The following F8 variants were observed in gnomAD, a reference collection of about 807,000 sequenced individuals.
The protein encoded by F8 is antihemophilic factor.
F8 carries 12 observed loss-of-function variants against 140.6 expected under a neutral mutation model. The ratio of observed to expected loss-of-function variants is 0.09; its 90% CI spans 0.05 to 0.14. The LOEUF is 0.14. F8 is among the 10% of genes least tolerant of loss of function. The pLI, the probability that F8 is intolerant of heterozygous loss-of-function variation, is 1.00. For synonymous variants in F8, 585 were observed against 614.6 expected (o/e 0.95, Z 0.71); for missense variants, 1,354 against 1,720.7 (o/e 0.79, Z 3.77).
Position 154,979,297 on chromosome X carries a change from G to A in F8, c.787+5390C>T, listed in dbSNP as rs181576602. 1.5e-3 allele frequency among the ~76,000 whole-genome samples: 162 copies of A among 111,681 alleles called. 1 individual carries two copies. The highest frequency in any genetic ancestry group is 2.3e-3 in the Non-Finnish European group (120 of 52,994). On this transcript the variant is annotated intron_variant, in intron 6 of 25. Coordinates refer to ENST00000360256, the MANE Select transcript of F8 (RefSeq NM_000132.4). ...GTGCTAACTGTGGCAGTAGTGGCAG[G>A]TTGAGTGGGCCTGACCTCAGACCCC...
intron 10 of F8, among the ~76,000 whole-genome samples, chrX:154,958,412 C>T (rs1269446805): frequency 9.0e-6 from 1 of 111,411 alleles, no homozygotes; most frequent in East Asian, 2.8e-4. Context: ...CCACTCTTGC[C>T]CTCTCTTCTT....
chrX:154,945,129 C>G (rs1431578225), intron 13 of F8, among the ~76,000 whole-genome samples: 2 of 110,213 alleles, frequency 1.8e-5, no homozygotes, highest in African/African-American at 6.6e-5. Context: ...TGTAACTAAC[C>G]TGCACATTGT....
At chrX:154,948,535 AAAAC>A (rs1223133145) in intron 12 of F8, among the ~76,000 whole-genome samples, 13 of 112,607 alleles carry the variant, frequency 1.2e-4, no homozygotes, top group African/African-American at 4.2e-4. Flanking sequence ...AAGAAAATGA[AAAAC>A]AAAATTGCAA....
At chrX:154,998,747 G>A (rs782091443) in intron 2 of F8, among the ~76,000 whole-genome samples, 8 of 111,913 alleles carry the variant, frequency 7.1e-5, no homozygotes, top group Admixed American at 4.7e-4. Context: ...GACCTTCCTG[G>A]CCTTACACCT....
intron 14 of F8, chrX:154,919,251 CTTTG>C (rs2073116528): frequency 1.8e-5 from 2 of 112,842 alleles, no homozygotes; most frequent in African/African-American, 6.5e-5. Context: ...ACATATTTAA[CTTTG>C]TTTGCTCTTT....
chrX:154,893,861 A>G (rs1260198431), intron 22 of F8, among the ~76,000 whole-genome samples: 1 of 111,850 alleles, frequency 8.9e-6, no homozygotes, highest in African/African-American at 3.3e-5. Context: ...CTCTATTAAC[A>G]TAGCTAGATC....
At chrX:155,021,004 A>G (rs1325690056) in intron 1 of F8, among the ~76,000 whole-genome samples, 2 of 112,225 alleles carry the variant, frequency 1.8e-5, no homozygotes, top group Non-Finnish European at 3.8e-5. Flanking sequence ...AAGCACCAGT[A>G]TGTAATGATA....
intron 6 of F8, among the ~76,000 whole-genome samples, chrX:154,971,274 C>T (rs781952400): frequency 4.5e-5 from 5 of 111,709 alleles, no homozygotes; most frequent in Non-Finnish European, 7.5e-5. Flanking sequence ...CTTTTGTATG[C>T]GTCCTGTTCC....
chrX:154,967,434 AG>A (rs1391465905), intron 7 of F8, among the ~76,000 whole-genome samples: 3 of 111,820 alleles, frequency 2.7e-5, no homozygotes, highest in African/African-American at 9.8e-5. Flanking sequence ...TTTATACCAC[AG>A]GGCAATTTTG....
intron 5 of F8, among the ~76,000 whole-genome samples, chrX:154,986,040 A>G (rs1259948372): frequency 1.8e-5 from 2 of 112,393 alleles, no homozygotes; most frequent in Non-Finnish European, 3.8e-5. Context: ...TCATCCTGGG[A>G]GAAGGAATTA....
intron 1 of F8, among the ~76,000 whole-genome samples, chrX:155,013,100 C>A (rs186109614): frequency 3.1e-5 from 3 of 97,474 alleles, no homozygotes; most frequent in African/African-American, 1.2e-4. Context: ...GAGCCGAGAT[C>A]GCACCACTGC....
intron 13 of F8, among the ~76,000 whole-genome samples, chrX:154,942,389 C>T (rs1186843592): frequency 9.1e-6 from 1 of 109,671 alleles, no homozygotes; most frequent in African/African-American, 3.3e-5. Flanking sequence ...CTACAAACAC[C>T]TCTACGCAAA....
intron 10 of F8, among the ~76,000 whole-genome samples, 180 bp downstream of exon 10, chrX:154,960,895 C>A (rs782104647): frequency 2.0e-4 from 22 of 112,064 alleles, no homozygotes; most frequent in Admixed American, 1.9e-3. Flanking sequence ...CGACTCTTCA[C>A]GAATTTACAT....
At chrX:154,847,293 T>C (rs1372183259) in intron 25 of F8, among the ~76,000 whole-genome samples, 29 of 110,778 alleles carry the variant, frequency 2.6e-4, no homozygotes, top group African/African-American at 9.2e-4. Flanking sequence ...AGTATCTTTG[T>C]GGCGTTCTCT....
At chrX:154,981,950 C>T (rs925574331) in intron 6 of F8, among the ~76,000 whole-genome samples, 37 of 111,628 alleles carry the variant, frequency 3.3e-4, no homozygotes, top group African/African-American at 1.2e-3. Flanking sequence ...CTTTGGGAGG[C>T]CAAGGCGGGC....
chrX:154,963,502 CA>C (rs2073407409), intron 9 of F8, among the ~76,000 whole-genome samples: 1 of 111,689 alleles, frequency 9.0e-6, no homozygotes. Context: ...AGTAGTGCCG[CA>C]ATAAACATAC....
chrX:154,907,202 G>A (rs1220058373), intron 14 of F8, among the ~76,000 whole-genome samples: 1 of 111,543 alleles, frequency 9.0e-6, no homozygotes, highest in Admixed American at 9.5e-5. Context: ...GTTTAGTTTT[G>A]CCTGTTTTGA....
At chrX:154,861,629 T>C in intron 24 of F8, 89 bp downstream of exon 24, 2 of 1,076,934 alleles carry the variant, frequency 1.9e-6, no homozygotes, top group Non-Finnish European at 2.6e-6. Context: ...TTGACAGAAA[T>C]ACCTCAGAAG....
chrX:154,857,555 AC>A (rs1424371930), intron 25 of F8, among the ~76,000 whole-genome samples: 1 of 111,819 alleles, frequency 8.9e-6, no homozygotes, highest in African/African-American at 3.3e-5. Flanking sequence ...GATCTGAGAT[AC>A]CCATGAAGGA....
Sources: allele counts gnomAD v4.1 joint callset (sites outside exome capture counted in the v4.1 genomes callset), GRCh38; gene constraint gnomAD v4.1.1; transcripts MANE v1.5; gene names NCBI Gene and HGNC (gene_info 2026-07-23, HGNC 2026-07-21).